The following KCTD8 variants were observed in gnomAD, a reference collection of about 807,000 sequenced individuals.
The protein encoded by KCTD8 is potassium channel tetramerization domain containing 8, also known as BTB/POZ domain-containing protein KCTD8.
KCTD8 carries 27 observed loss-of-function variants against 31.5 expected under a neutral mutation model. That is an observed-to-expected ratio of 0.86 (90% CI 0.63 to 1.18). KCTD8 has a LOEUF of 1.18. Among genes scored for constraint, KCTD8 ranks in the 50% most tolerant of loss-of-function variants. The probability of loss-of-function intolerance (pLI) is 0.00; values close to 1 mark genes in which losing one functional copy is unlikely to be tolerated. For missense variants in KCTD8, 658 were observed against 647.7 expected (o/e 1.02, Z -0.17); for synonymous variants, 290 against 280.0 (o/e 1.04, Z -0.36).
chr4:44,408,989 C>A (rs1252164765), intron 1 of KCTD8, among the ~76,000 whole-genome samples: 1 of 151,534 alleles, frequency 6.6e-6, no homozygotes, highest in Non-Finnish European at 1.5e-5. Flanking sequence ...ACACCTGTAA[C>A]CCTAGTACTT....
intron 1 of KCTD8, among the ~76,000 whole-genome samples, chr4:44,408,907 G>A (rs1414718708): frequency 6.6e-6 from 1 of 151,886 alleles, no homozygotes; most frequent in African/African-American, 2.4e-5. Context: ...GTGAGCCACT[G>A]CGCCCGGCCT....
chr4:44,316,237 T>C (rs955407686), intron 1 of KCTD8, among the ~76,000 whole-genome samples: 9 of 152,226 alleles, frequency 5.9e-5, no homozygotes, highest in Non-Finnish European at 1.2e-4. Flanking sequence ...TTTTGGACTT[T>C]GGCTATCTTT....
intron 1 of KCTD8, among the ~76,000 whole-genome samples, chr4:44,319,001 A>C (rs1290518807): frequency 6.6e-6 from 1 of 152,190 alleles, no homozygotes; most frequent in Non-Finnish European, 1.5e-5. Context: ...AAAGGCAAAA[A>C]ATGAAGGATG....
At chr4:44,244,850 G>A (rs1043239620) in intron 1 of KCTD8, among the ~76,000 whole-genome samples, 1 of 91,642 alleles carries the variant, frequency 1.1e-5, no homozygotes, top group South Asian at 3.1e-4. Context: ...GTAGTTGTGG[G>A]GGGGGGGGGG....
intron 1 of KCTD8, among the ~76,000 whole-genome samples, chr4:44,267,257 A>C (rs1716408402): frequency 6.6e-6 from 1 of 152,228 alleles, no homozygotes; most frequent in Admixed American, 6.5e-5. Context: ...AAACCGCTGA[A>C]CTACATGGAA....
At chr4:44,386,348 A>G (rs901488548) in intron 1 of KCTD8, among the ~76,000 whole-genome samples, 2 of 151,570 alleles carry the variant, frequency 1.3e-5, no homozygotes, top group African/African-American at 4.8e-5. Flanking sequence ...ACAAAAATGA[A>G]TATTATTCAG....
At chr4:44,299,834 C>A (rs940606491) in intron 1 of KCTD8, among the ~76,000 whole-genome samples, 1 of 147,306 alleles carries the variant, frequency 6.8e-6, no homozygotes, top group Non-Finnish European at 1.5e-5. Flanking sequence ...CTCACTGCAA[C>A]CTCCGTCTCC....
intron 1 of KCTD8, among the ~76,000 whole-genome samples, chr4:44,358,608 A>G (rs1030692614): frequency 2.7e-5 from 4 of 149,718 alleles, no homozygotes; most frequent in African/African-American, 9.9e-5. Flanking sequence ...TCTCTCTGTC[A>G]CCCAGGCTGG....
intron 1 of KCTD8, among the ~76,000 whole-genome samples, chr4:44,383,811 C>A (rs1315913696): frequency 1.3e-5 from 2 of 151,754 alleles, no homozygotes; most frequent in Non-Finnish European, 2.9e-5. Flanking sequence ...GCAGCAAAAT[C>A]AAAAATAGAC....
chr4:44,182,284 C>A (rs1403167422), intron 1 of KCTD8, among the ~76,000 whole-genome samples: 4 of 152,234 alleles, frequency 2.6e-5, no homozygotes, highest in African/African-American at 4.8e-5. Flanking sequence ...CCCATCTGGG[C>A]AGTGTACCCA....
intron 1 of KCTD8, among the ~76,000 whole-genome samples, chr4:44,331,776 A>G (rs1327443226): frequency 6.7e-6 from 1 of 149,358 alleles, no homozygotes; most frequent in East Asian, 1.9e-4. Context: ...GTGAAACCCT[A>G]CAATAATCCA....
At chr4:44,328,208 G>A (rs777465641) in intron 1 of KCTD8, among the ~76,000 whole-genome samples, 4 of 151,882 alleles carry the variant, frequency 2.6e-5, no homozygotes, top group Non-Finnish European at 5.9e-5. Context: ...TTAAATATAT[G>A]TACTCTTCTT....
chr4:44,230,263 G>C (rs1444852760), intron 1 of KCTD8, among the ~76,000 whole-genome samples: 1 of 152,146 alleles, frequency 6.6e-6, no homozygotes, highest in Non-Finnish European at 1.5e-5. Context: ...GGAAGGTAAA[G>C]TATTCATTCC....
At chr4:44,367,462 C>T (rs1280114155) in intron 1 of KCTD8, among the ~76,000 whole-genome samples, 3 of 152,142 alleles carry the variant, frequency 2.0e-5, no homozygotes, top group Non-Finnish European at 2.9e-5. Context: ...ATGATGTTTA[C>T]ATTTTACATT....
intron 1 of KCTD8, among the ~76,000 whole-genome samples, chr4:44,354,767 T>C (rs1388546741): frequency 6.6e-6 from 1 of 152,132 alleles, no homozygotes; most frequent in Non-Finnish European, 1.5e-5. Flanking sequence ...GCTGTGTTGC[T>C]TTACTTAACA....
intron 1 of KCTD8, among the ~76,000 whole-genome samples, chr4:44,301,300 C>T (rs964275283): frequency 6.6e-6 from 1 of 152,146 alleles, no homozygotes; most frequent in African/African-American, 2.4e-5. Context: ...ACACTGACTT[C>T]CACAATGGTT....
In KCTD8 at chr4:44,180,403, A is replaced by G. The variant is rs138031428; in HGVS notation, c.962-5153T>C. On this transcript the variant is annotated intron_variant, in intron 1 of 1. Coordinates refer to ENST00000360029, the MANE Select transcript of KCTD8 (RefSeq NM_198353.3). ...CACCTAGAAACTTTCAAATATTGGA[A>G]CAATTAATCAACTTTTCATTTGATT... is the stretch of plus-strand genomic sequence containing the variant. Among the ~76,000 whole-genome samples, 323 of 152,338 alleles carry G rather than the reference A, an allele frequency of 2.1e-3. 1 individual carries two copies. The highest frequency in any genetic ancestry group is 7.2e-3 in the African/African-American group (299 of 41,576).
intron 1 of KCTD8, among the ~76,000 whole-genome samples, chr4:44,223,466 C>CT (rs553511805): frequency 6.6e-4 from 100 of 152,314 alleles, no homozygotes; most frequent in Non-Finnish European, 1.2e-3. Context: ...AACAGACACT[C>CT]TGAAACGCTT....
In KCTD8 at chr4:44,266,188, G is replaced by A. The variant is rs1457638178; in HGVS notation, c.962-90938C>T. ...AAGGGAAGCCCATCAGACTAACAGC[G>A]GATCTCTCAGCAGAAACTCTACAAG... On this transcript the variant is annotated intron_variant, in intron 1 of 1. Coordinates refer to ENST00000360029, the MANE Select transcript of KCTD8 (RefSeq NM_198353.3). Among the ~76,000 whole-genome samples the A allele has an allele frequency of 1.3e-4, 20 of 152,230 alleles. No individual in the cohort carries two copies. In the South Asian group the frequency reaches 1.5e-3, roughly 11 times the overall value.
Sources: gnomAD v4.1 joint callset for allele counts (sites outside exome capture counted in the v4.1 genomes callset) on GRCh38, gnomAD v4.1.1 for gene constraint, MANE v1.5 for transcripts, NCBI Gene and HGNC (gene_info 2026-07-23, HGNC 2026-07-21) for gene names.